Variants in SRRM3 observed in about 807,000 individuals in gnomAD.
The protein encoded by SRRM3 is serine/arginine repetitive matrix 3.
Under a neutral mutation model 66.2 loss-of-function variants are expected in SRRM3, and 27 were observed. That is an observed-to-expected ratio of 0.41 (90% CI 0.30 to 0.56). SRRM3 has a LOEUF of 0.56. Among genes scored for constraint, SRRM3 ranks in the 20% least tolerant of loss-of-function variants. SRRM3 has a pLI of 0.32. For synonymous variants in SRRM3, 391 were observed against 414.9 expected (o/e 0.94, Z 0.70); for missense variants, 918 against 991.9 (o/e 0.93, Z 1.00).
At position 76,246,167 on chromosome 7, in the gene SRRM3, C is replaced by T. The variant is rs1431767275; in HGVS notation, c.234-2021C>T. On this transcript the variant is annotated intron_variant, in intron 2 of 14. Coordinates refer to ENST00000611745, the MANE Select transcript of SRRM3 (RefSeq NM_001110199.3). ...TATTGGGCACCTACTCTAAGCCAGG[C>T]ACTGTGCAAAGTGCTATAATGACAT... Among the ~76,000 whole-genome samples, 3 of 152,196 alleles carry T rather than the reference C, an allele frequency of 2.0e-5. No homozygotes were observed. The East Asian group carries it at 5.8e-4, about 29-fold the overall frequency.
intron 3 of SRRM3, among the ~76,000 whole-genome samples, chr7:76,252,608 C>T (rs782150915): frequency 4.0e-5 from 6 of 151,852 alleles, no homozygotes; most frequent in East Asian, 1.9e-4. Context: ...CGTGAGCCAC[C>T]GGGCCTGGCC....
chr7:76,219,440 G>A (rs1554602959), intron 1 of SRRM3, among the ~76,000 whole-genome samples: 2 of 152,196 alleles, frequency 1.3e-5, no homozygotes, highest in African/African-American at 4.8e-5. Context: ...TCCCTTGTCA[G>A]TGATGCTCCA....
intron 9 of SRRM3, among the ~76,000 whole-genome samples, chr7:76,265,052 C>G (rs1273790259): frequency 6.6e-6 from 1 of 152,144 alleles, no homozygotes; most frequent in Non-Finnish European, 1.5e-5. Flanking sequence ...GACTCCCACC[C>G]TCCTTCCTCC....
At chr7:76,261,463 C>T in intron 7 of SRRM3, 49 bp downstream of exon 7, 3 of 1,598,394 alleles carry the variant, frequency 1.9e-6, no homozygotes, top group Non-Finnish European at 2.6e-6. Flanking sequence ...CCCGTGGGGC[C>T]CAGGGCCAGG....
At chr7:76,202,846 T>A (rs549065102) in intron 1 of SRRM3, among the ~76,000 whole-genome samples, 1 of 152,172 alleles carries the variant, frequency 6.6e-6, no homozygotes, top group African/African-American at 2.4e-5. Context: ...TGAAGCCTCC[T>A]GCAGTTCCTA....
chr7:76,259,037 G>A (rs1259555183), intron 3 of SRRM3, among the ~76,000 whole-genome samples: 2 of 151,578 alleles, frequency 1.3e-5, no homozygotes, highest in African/African-American at 4.9e-5. Context: ...AGTGAGGCGA[G>A]ATCGGGCCCC....
intron 3 of SRRM3, among the ~76,000 whole-genome samples, chr7:76,258,755 A>T (rs1226636599): frequency 7.0e-6 from 1 of 142,770 alleles, no homozygotes; most frequent in Non-Finnish European, 1.5e-5. Context: ...AGAAAAAAAA[A>T]AAAGGAAGAA....
At chr7:76,238,560 G>T (rs1044532388) in intron 2 of SRRM3, among the ~76,000 whole-genome samples, 11 of 152,172 alleles carry the variant, frequency 7.2e-5, no homozygotes, top group African/African-American at 2.4e-4. Context: ...AATCACCGCG[G>T]GGCGGGACGG....
At chr7:76,222,740 G>A (rs547169005) in intron 1 of SRRM3, among the ~76,000 whole-genome samples, 2 of 152,084 alleles carry the variant, frequency 1.3e-5, no homozygotes, top group Non-Finnish European at 2.9e-5. Flanking sequence ...TCCTGCCTCA[G>A]CCTCCCAAGT....
At chr7:76,279,527 G>A (rs1554611554) in intron 11 of SRRM3, among the ~76,000 whole-genome samples, 1 of 149,120 alleles carries the variant, frequency 6.7e-6, no homozygotes, top group Non-Finnish European at 1.5e-5. Context: ...TAGATGGAGG[G>A]CCAAGGACAG....
chr7:76,241,317 C>T (rs1801290195), intron 2 of SRRM3, among the ~76,000 whole-genome samples: 2 of 152,198 alleles, frequency 1.3e-5, no homozygotes, highest in African/African-American at 4.8e-5. Flanking sequence ...GCAGCCTCCC[C>T]CTTTATCCCA....
chr7:76,266,334 A>G (rs1209489272), intron 10 of SRRM3, among the ~76,000 whole-genome samples: 4 of 116,192 alleles, frequency 3.4e-5, no homozygotes, highest in African/African-American at 1.5e-4. Context: ...AAATATTAAT[A>G]TATATTTCAA....
At chr7:76,281,401 T>G in intron 11 of SRRM3, 40 bp from the exon 12 acceptor site, 1 of 1,194,342 alleles carries the variant, frequency 8.4e-7, no homozygotes, top group Non-Finnish European at 1.0e-6. Context: ...CTCGTCTCCC[T>G]CTCCCCCCTC....
chr7:76,260,226 A>G, intron 5 of SRRM3, 29 bp downstream of exon 5: 1 of 1,501,304 alleles, frequency 6.7e-7, no homozygotes, highest in African/African-American at 1.5e-5. Context: ...CGGAGCGGGA[A>G]GGGAGGAGGA....
intron 14 of SRRM3, among the ~76,000 whole-genome samples, chr7:76,284,138 G>A (rs1317856590): frequency 6.6e-6 from 1 of 151,450 alleles, no homozygotes; most frequent in Non-Finnish European, 1.5e-5. Context: ...AAGCCAGACC[G>A]CCTTGAAGGA....
intron 2 of SRRM3, 148 bp downstream of exon 2, chr7:76,235,447 T>A: frequency 1.3e-6 from 1 of 748,660 alleles, no homozygotes; most frequent in Non-Finnish European, 2.1e-6. Flanking sequence ...CGGGCGACTG[T>A]GGGAACCCAA....
At chr7:76,275,908 C>T (rs1802337217) in intron 11 of SRRM3, among the ~76,000 whole-genome samples, 1 of 151,978 alleles carries the variant, frequency 6.6e-6, no homozygotes, top group African/African-American at 2.4e-5. Context: ...GACCCCATCT[C>T]TACTAAAAAT....
chr7:76,281,067 CTCTT>C lies in SRRM3; in HGVS notation c.1009-370_1009-367del, dbSNP rs376313876. ...TCTCACCCTCGCTCTTTCGCCCTCTCTCTTTCTCATCTCTCTCCCTCTCACTCTG... is the reference window on the plus strand; with the variant it reads ...TCTCACCCTCGCTCTTTCGCCCTCTCTCTCATCTCTCTCCCTCTCACTCTG... On this transcript the variant is annotated intron_variant, in intron 11 of 14. Coordinates refer to ENST00000611745, the MANE Select transcript of SRRM3 (RefSeq NM_001110199.3). Among the ~76,000 whole-genome samples, 918 of 149,440 alleles carry C rather than the reference CTCTT, an allele frequency of 6.1e-3. 11 individuals carry two copies. The highest frequency in any genetic ancestry group is 0.018 in the South Asian group (84 of 4,630).
chr7:76,234,277 C>T (rs1801085894), intron 1 of SRRM3, among the ~76,000 whole-genome samples: 1 of 151,152 alleles, frequency 6.6e-6, no homozygotes, highest in Non-Finnish European at 1.5e-5. Flanking sequence ...AGCTCCAAGC[C>T]AAGTTGACTC....
Sources: gnomAD v4.1 joint callset for allele counts (sites outside exome capture counted in the v4.1 genomes callset) on GRCh38, gnomAD v4.1.1 for gene constraint, MANE v1.5 for transcripts, NCBI Gene and HGNC (gene_info 2026-07-23, HGNC 2026-07-21) for gene names.